Variants in SLC35F1 observed in about 807,000 individuals in gnomAD.
The protein encoded by SLC35F1 is chromosome 6 open reading frame 169.
Under a neutral mutation model 48.7 loss-of-function variants are expected in SLC35F1, and 14 were observed. The observed-to-expected ratio is 0.29, with a 90% CI of 0.19 to 0.45. The LOEUF (loss-of-function observed/expected upper bound fraction) is 0.45, where lower values mean the gene tolerates loss of function less well. SLC35F1 is among the 20% of genes least tolerant of loss of function. The pLI, the probability that SLC35F1 is intolerant of heterozygous loss-of-function variation, is 1.00. For synonymous variants in SLC35F1, 190 were observed against 202.2 expected, an observed-to-expected ratio of 0.94 and a Z score of 0.51; for missense variants, 404 against 500.0, an observed-to-expected ratio of 0.81 and a Z score of 1.83.
chr6:118,114,577 C>T (rs34224486), intron 1 of SLC35F1, among the ~76,000 whole-genome samples: 9 of 151,942 alleles, frequency 5.9e-5, no homozygotes, highest in Non-Finnish European at 1.3e-4. Context: ...GGGCTTTCCT[C>T]GTGTTAGCCA....
intron 1 of SLC35F1, among the ~76,000 whole-genome samples, chr6:118,040,668 A>G (rs1772203446): frequency 6.6e-6 from 1 of 151,984 alleles, no homozygotes; most frequent in Non-Finnish European, 1.5e-5. Flanking sequence ...ATTAAAGGTT[A>G]GTAGTTTAAC....
chr6:117,936,259 G>A (rs573483482), intron 1 of SLC35F1, among the ~76,000 whole-genome samples: 2 of 152,310 alleles, frequency 1.3e-5, no homozygotes, highest in East Asian at 3.9e-4. Context: ...GACAGTCCAA[G>A]TCCCTCCAAA....
At chr6:117,981,129 A>G (rs999738914) in intron 1 of SLC35F1, among the ~76,000 whole-genome samples, 1 of 152,172 alleles carries the variant, frequency 6.6e-6, no homozygotes, top group South Asian at 2.1e-4. Context: ...TTGGGTTGCC[A>G]TTAAGTAAGA....
intron 1 of SLC35F1, among the ~76,000 whole-genome samples, chr6:118,089,322 C>G (rs183143209): frequency 5.3e-5 from 8 of 152,182 alleles, no homozygotes; most frequent in Admixed American, 4.6e-4. Flanking sequence ...ATACTTGGAG[C>G]CCCATAGAGC....
At chr6:117,972,686 C>T (rs377176153) in intron 1 of SLC35F1, among the ~76,000 whole-genome samples, 4 of 152,092 alleles carry the variant, frequency 2.6e-5, no homozygotes, top group Non-Finnish European at 5.9e-5. Flanking sequence ...AAGACTTATT[C>T]ACTATCACAA....
At chr6:118,066,999 G>A (rs1047684521) in intron 1 of SLC35F1, among the ~76,000 whole-genome samples, 1 of 152,110 alleles carries the variant, frequency 6.6e-6, no homozygotes, top group African/African-American at 2.4e-5. Flanking sequence ...TTGGTCCACT[G>A]TTTAACATTG....
chr6:118,298,953 T>C (rs950178667), intron 7 of SLC35F1, among the ~76,000 whole-genome samples: 3 of 152,018 alleles, frequency 2.0e-5, no homozygotes, highest in African/African-American at 4.8e-5. Flanking sequence ...GGTGGGAAAA[T>C]TGCTTGAGCC....
At position 117,915,456 on chromosome 6, in the gene SLC35F1, A is replaced by G. The variant is rs533718713; in HGVS notation, c.173+7557A>G. Among the ~76,000 whole-genome samples the G allele has an allele frequency of 4.6e-5, 7 of 152,280 alleles. No individual in the cohort carries two copies. In the South Asian group the frequency reaches 8.3e-4, roughly 18 times the overall value. ...AAGGTCAGGAGGGATCAGGGATGGC[A>G]TTTGTCCTTGGCAATGAAAGATGGG... On this transcript the variant is annotated intron_variant, in intron 1 of 7. Coordinates refer to ENST00000360388, the MANE Select transcript of SLC35F1 (RefSeq NM_001029858.4).
intron 1 of SLC35F1, among the ~76,000 whole-genome samples, chr6:118,002,263 A>G (rs913885993): frequency 1.3e-5 from 2 of 152,184 alleles, no homozygotes; most frequent in African/African-American, 4.8e-5. Flanking sequence ...ATGGAATACT[A>G]TGCAGCCATA....
chr6:117,984,318 T>C (rs565187593), intron 1 of SLC35F1, among the ~76,000 whole-genome samples: 1 of 152,064 alleles, frequency 6.6e-6, no homozygotes, highest in Non-Finnish European at 1.5e-5. Flanking sequence ...GCTAACGCAG[T>C]GAAACCCTGT....
chr6:118,175,591 T>A (rs1286724246), intron 2 of SLC35F1, among the ~76,000 whole-genome samples: 1 of 152,160 alleles, frequency 6.6e-6, no homozygotes, highest in Non-Finnish European at 1.5e-5. Context: ...GTTATGTAAG[T>A]CCACATGCCA....
At chr6:118,058,268 C>T (rs1772490175) in intron 1 of SLC35F1, among the ~76,000 whole-genome samples, 1 of 151,956 alleles carries the variant, frequency 6.6e-6, no homozygotes, top group Admixed American at 6.6e-5. Flanking sequence ...TTTCTCTTTC[C>T]TCCAGTAACT....
chr6:117,923,103 G>A (rs769029266), intron 1 of SLC35F1, among the ~76,000 whole-genome samples: 6 of 152,146 alleles, frequency 3.9e-5, no homozygotes, highest in Non-Finnish European at 5.9e-5. Context: ...ATTTTGACAA[G>A]TTTGCTGAAA....
At chr6:117,999,134 C>T in intron 1 of SLC35F1, 1 of 1,592,302 alleles carries the variant, frequency 6.3e-7, no homozygotes, top group Non-Finnish European at 8.5e-7. Context: ...CAAAAAGGGC[C>T]TAAAGAAGAT....
At chr6:117,990,676 G>T (rs1490894822) in intron 1 of SLC35F1, among the ~76,000 whole-genome samples, 1 of 152,140 alleles carries the variant, frequency 6.6e-6, no homozygotes, top group Non-Finnish European at 1.5e-5. Flanking sequence ...CCTGTGCTAG[G>T]TATCAGAAGG....
chr6:118,157,190 C>T (rs775518968), intron 2 of SLC35F1, among the ~76,000 whole-genome samples: 13 of 152,116 alleles, frequency 8.5e-5, no homozygotes, highest in African/African-American at 1.4e-4. Context: ...GCCCATCCAA[C>T]GCAGGGCTGT....
chr6:117,921,611 C>T (rs1005863192), intron 1 of SLC35F1, among the ~76,000 whole-genome samples: 1 of 152,200 alleles, frequency 6.6e-6, no homozygotes, highest in African/African-American at 2.4e-5. Context: ...GGGGTGCTTT[C>T]AAGCCTAAAG....
chr6:117,972,467 T>A (rs1243530296), intron 1 of SLC35F1, among the ~76,000 whole-genome samples: 1 of 152,220 alleles, frequency 6.6e-6, no homozygotes, highest in Non-Finnish European at 1.5e-5. Context: ...ATTTACCATA[T>A]TAGTCTGTTC....
intron 1 of SLC35F1, among the ~76,000 whole-genome samples, chr6:117,915,369 G>T (rs1310489199): frequency 6.6e-6 from 1 of 152,144 alleles, no homozygotes; most frequent in Non-Finnish European, 1.5e-5. Flanking sequence ...AATTTATGTG[G>T]TGATACAGCT....
Sources: allele counts gnomAD v4.1 joint callset (sites outside exome capture counted in the v4.1 genomes callset), GRCh38; gene constraint gnomAD v4.1.1; transcripts MANE v1.5; gene names NCBI Gene and HGNC (gene_info 2026-07-23, HGNC 2026-07-21).